The following TBC1D1 variants were observed in gnomAD, a reference collection of about 807,000 sequenced individuals.
TBC1D1 encodes TBC1 (tre-2/USP6, BUB2, cdc16) domain family, member 1.
In TBC1D1, 89 loss-of-function variants were observed where a neutral mutation model predicts 125.6. That is an observed-to-expected ratio of 0.71 (90% CI 0.60 to 0.85). The LOEUF (loss-of-function observed/expected upper bound fraction) is 0.85. Among genes scored for constraint, TBC1D1 ranks in the 40% least tolerant of loss-of-function variants. The pLI, the probability that TBC1D1 is intolerant of heterozygous loss-of-function variation, is 0.00. For synonymous variants in TBC1D1, 565 were observed against 564.1 expected (o/e 1.00, Z -0.02); for missense variants, 1,377 against 1,469.2 (o/e 0.94, Z 1.03).
chr4:38,120,670 C>G (rs568451367), intron 17 of TBC1D1, among the ~76,000 whole-genome samples: 1 of 152,152 alleles, frequency 6.6e-6, no homozygotes, highest in African/African-American at 2.4e-5. Context: ...GTGATGTGTG[C>G]GCCTTAACCT....
chr4:37,914,043 C>G (rs1049304317), intron 2 of TBC1D1, among the ~76,000 whole-genome samples: 6 of 152,146 alleles, frequency 3.9e-5, no homozygotes, highest in Non-Finnish European at 5.9e-5. Flanking sequence ...AGTCTCTACC[C>G]AGTCTTCTTT....
At chr4:37,965,192 A>G (rs1730836696) in intron 2 of TBC1D1, among the ~76,000 whole-genome samples, 1 of 152,222 alleles carries the variant, frequency 6.6e-6, no homozygotes, top group East Asian at 1.9e-4. Flanking sequence ...AAGTTGGCAG[A>G]GTGCCTGGGC....
At chr4:38,003,821 T>C (rs111968177) in intron 2 of TBC1D1, among the ~76,000 whole-genome samples, 7,086 of 150,972 alleles carry the variant, frequency 0.047, 174 homozygotes, top group African/African-American at 0.068. Context: ...TGAGCTATGA[T>C]TGTGCCCATT....
intron 18 of TBC1D1, among the ~76,000 whole-genome samples, chr4:38,126,488 A>G (rs1764670769): frequency 6.6e-6 from 1 of 152,262 alleles, no homozygotes; most frequent in South Asian, 2.1e-4. Flanking sequence ...AAGCACAGAA[A>G]AAGATGCAAA....
intron 19 of TBC1D1, among the ~76,000 whole-genome samples, chr4:38,134,735 G>A (rs143471028): frequency 5.3e-5 from 8 of 152,334 alleles, no homozygotes; most frequent in Admixed American, 3.9e-4. Context: ...TGCTGCTCCT[G>A]TGCTATTGTT....
chr4:38,039,904 A>G (rs1481128828), intron 8 of TBC1D1, among the ~76,000 whole-genome samples: 1 of 151,224 alleles, frequency 6.6e-6, no homozygotes, highest in Non-Finnish European at 1.5e-5. Context: ...GTTTGAGGCC[A>G]GGAGTTTGAG....
intron 2 of TBC1D1, among the ~76,000 whole-genome samples, chr4:37,938,756 A>G (rs1021688683): frequency 2.0e-5 from 3 of 152,050 alleles, no homozygotes; most frequent in Non-Finnish European, 2.9e-5. Flanking sequence ...ATTCCCACCT[A>G]TGAGTGAGAA....
chr4:37,985,746 A>G (rs1245158090), intron 2 of TBC1D1, among the ~76,000 whole-genome samples: 2 of 152,220 alleles, frequency 1.3e-5, no homozygotes, highest in South Asian at 2.1e-4. Flanking sequence ...TGAGATGAGT[A>G]GGACATGGGC....
rs75963255 is a variant in TBC1D1 at position 37,965,475 on chromosome 4, C to T, written c.418-49034C>T. ...CATCTGGCATGCAGTAAGTACTCAG[C>T]GGATATTGTTTTCATCCTTCCTGAC... On this transcript the variant is annotated intron_variant, in intron 2 of 19. Coordinates refer to ENST00000261439, the MANE Select transcript of TBC1D1 (RefSeq NM_015173.4). 2.6e-5 allele frequency among the ~76,000 whole-genome samples: 4 copies of T among 152,232 alleles called. No homozygotes were observed. The East Asian group carries it at 5.8e-4, about 22-fold the overall frequency.
intron 18 of TBC1D1, among the ~76,000 whole-genome samples, chr4:38,129,735 G>A (rs1225120050): frequency 2.0e-5 from 3 of 152,134 alleles, no homozygotes; most frequent in South Asian, 2.1e-4. Flanking sequence ...ACAATTCACC[G>A]AAGAGGAGAT....
chr4:38,065,157 C>T (rs913910054), intron 12 of TBC1D1, among the ~76,000 whole-genome samples: 3 of 152,000 alleles, frequency 2.0e-5, no homozygotes, highest in African/African-American at 7.3e-5. Flanking sequence ...AGGCTGGTCT[C>T]GAACTCCTGA....
At chr4:37,975,993 T>C (rs912636948) in intron 2 of TBC1D1, among the ~76,000 whole-genome samples, 1 of 152,192 alleles carries the variant, frequency 6.6e-6, no homozygotes, top group Non-Finnish European at 1.5e-5. Flanking sequence ...GTCCTTATAT[T>C]ATCTCCTCCC....
chr4:38,003,911 A>G (rs1306105367), intron 2 of TBC1D1, among the ~76,000 whole-genome samples: 7 of 152,008 alleles, frequency 4.6e-5, no homozygotes, highest in Non-Finnish European at 7.4e-5. Context: ...TACCTTACAA[A>G]CATCAAGGTA....
At chr4:37,987,114 A>G (rs1176163839) in intron 2 of TBC1D1, among the ~76,000 whole-genome samples, 2 of 152,230 alleles carry the variant, frequency 1.3e-5, no homozygotes, top group African/African-American at 4.8e-5. Flanking sequence ...TTGCTCAGAA[A>G]AACATCGACT....
In TBC1D1 at chr4:38,115,865, A is replaced by G. The variant is rs896464468; in HGVS notation, c.2713A>G (p.Ser905Gly). Residue 905 changes from serine to glycine, a missense_variant, in exon 16 of 20, where the codon AGT becomes GGT. Transcript: ENST00000261439. ...AGCAGGCATTTTGCTTCTTCATATGAGTGAGGAAGAGGCGTTTAAAATGCT... is the reference window on the plus strand; with the variant it reads ...AGCAGGCATTTTGCTTCTTCATATGGGTGAGGAAGAGGCGTTTAAAATGCT... The G allele has an allele frequency of 6.2e-7, 1 of 1,614,136 alleles. No homozygotes were observed. Among genetic ancestry groups the G allele is most frequent in the Non-Finnish European group, 8.5e-7 (1 of 1,180,016 alleles).
intron 12 of TBC1D1, among the ~76,000 whole-genome samples, chr4:38,060,079 T>C (rs1320610337): frequency 6.6e-6 from 1 of 152,264 alleles, no homozygotes; most frequent in East Asian, 1.9e-4. Context: ...GGCTGCATAG[T>C]AGTCCATGGT....
At chr4:38,082,563 A>G (rs115079659) in intron 12 of TBC1D1, among the ~76,000 whole-genome samples, 542 of 152,328 alleles carry the variant, frequency 3.6e-3, no homozygotes, top group African/African-American at 0.012. Context: ...TTCCCCTTGC[A>G]GATGCAAAAA....
chr4:38,020,799 T>C (rs1396340359), intron 5 of TBC1D1, 104 bp downstream of exon 5: 3 of 866,620 alleles, frequency 3.5e-6, no homozygotes, highest in Non-Finnish European at 5.6e-6. Context: ...CATTGACATA[T>C]CATTATTTGT....
chr4:38,054,428 C>A, intron 12 of TBC1D1, 90 bp downstream of exon 14: 5 of 1,542,944 alleles, frequency 3.2e-6, no homozygotes, highest in Non-Finnish European at 4.4e-6. Context: ...AAGCAGAGCG[C>A]CGTCCTCTTC....
Sources: gnomAD v4.1 joint callset for allele counts (sites outside exome capture counted in the v4.1 genomes callset) on GRCh38, gnomAD v4.1.1 for gene constraint, MANE v1.5 for transcripts, NCBI Gene and HGNC (gene_info 2026-07-23, HGNC 2026-07-21) for gene names.